Variants in HDHD5 observed in about 807,000 individuals in gnomAD.
The protein encoded by HDHD5 is haloacid dehalogenase like hydrolase domain containing 5.
In HDHD5, 34 loss-of-function variants were observed where a neutral mutation model predicts 35.5. The observed-to-expected ratio is 0.96, with a 90% CI of 0.73 to 1.28. The LOEUF (loss-of-function observed/expected upper bound fraction) is 1.28, where lower values mean the gene tolerates loss of function less well. Among genes scored for constraint, HDHD5 ranks in the 50% most tolerant of loss-of-function variants. The pLI, the probability that HDHD5 is intolerant of heterozygous loss-of-function variation, is 0.00. For missense variants in HDHD5, 589 were observed against 560.2 expected, an observed-to-expected ratio of 1.05 and a Z score of -0.52; for synonymous variants, 248 against 240.6, an observed-to-expected ratio of 1.03 and a Z score of -0.29.
At chr22:17,146,661 C>T (rs2123861060) in intron 3 of HDHD5, among the ~76,000 whole-genome samples, 1 of 11,952 alleles carries the variant, frequency 8.4e-5, no homozygotes, top group African/African-American at 7.3e-4. Context: ...TCGCACACGC[C>T]CCACACCTGT....
Position 17,137,907 on chromosome 22 carries a change from G to GA in HDHD5, c.*113dup. The GA allele has an allele frequency of 1.3e-6, 1 of 785,122 alleles. No homozygotes were observed. The allele number at this position is 785,122 out of a possible 1,614,324, so 48.6% of individuals were successfully genotyped here. On this transcript the variant is annotated 3_prime_UTR_variant, in exon 8 of 8. Transcript: ENST00000336737. ...TAATGCCACACTCATGGGGCAGCAA[G>GA]AAGGGTGGCAAGGGAACCAAGCCCT...
At chr22:17,138,837 C>G in intron 6 of HDHD5, 99 bp from the exon 7 acceptor site, 1 of 1,342,054 alleles carries the variant, frequency 7.5e-7, no homozygotes, top group Non-Finnish European at 1.0e-6. Context: ...CACAGACCAG[C>G]CTTTTCCCCA....
upstream of HDHD5, among the ~76,000 whole-genome samples, chr22:17,163,001 A>T (rs1218956855): frequency 2.0e-5 from 3 of 152,208 alleles, no homozygotes; most frequent in Admixed American, 6.5e-5. Context: ...TCACATTAAG[A>T]TGTTCTTTCG....
At chr22:17,160,662 A>T (rs1006982445), upstream of HDHD5, among the ~76,000 whole-genome samples, 693 of 143,324 alleles carry the variant, frequency 4.8e-3, 5 homozygotes, top group African/African-American at 0.016. Context: ...AAAAAAAAAA[A>T]TAATAATAAT....
chr22:17,140,341 A>G (rs2061585733), intron 6 of HDHD5, among the ~76,000 whole-genome samples: 1 of 152,204 alleles, frequency 6.6e-6, no homozygotes, highest in African/African-American at 2.4e-5. Context: ...ACACCAACAC[A>G]GCTGAGCAGG....
At chr22:17,159,520 T>C (rs755383421), upstream of HDHD5, 18 of 443,140 alleles carry the variant, frequency 4.1e-5, no homozygotes, top group South Asian at 6.4e-5. Context: ...GGCGGCGGCG[T>C]CCGTACTATC....
At chr22:17,159,445 G>A, upstream of HDHD5, 1 of 597,854 alleles carries the variant, frequency 1.7e-6, no homozygotes, top group Non-Finnish European at 2.9e-6. Flanking sequence ...AGAAGTGCGG[G>A]GTCCCGCCGC....
At chr22:17,158,284 G>C (rs767187466) in intron 1 of HDHD5, among the ~76,000 whole-genome samples, 1 of 151,942 alleles carries the variant, frequency 6.6e-6, no homozygotes, top group Non-Finnish European at 1.5e-5. Context: ...TTGCGCCACT[G>C]CACTCCAACC....
At chr22:17,140,984 A>C in intron 6 of HDHD5, 75 bp downstream of exon 6, 1 of 1,371,214 alleles carries the variant, frequency 7.3e-7, no homozygotes, top group Non-Finnish European at 9.8e-7. Context: ...GACGGATGGG[A>C]ACTGCCTGCA....
chr22:17,148,634 G>A lies in HDHD5; in HGVS notation c.331-74C>T, dbSNP rs1338223041. On this transcript the variant is annotated intron_variant, in intron 2 of 7. Coordinates refer to ENST00000336737, the MANE Select transcript of HDHD5 (RefSeq NM_033070.3). Reference sequence around the variant, plus strand: ...GAGGGAAATAATGAGACAGGTGGCAGGTCCTTTAGCCTAGGGAAGGAAAAA... The same window carrying A: ...GAGGGAAATAATGAGACAGGTGGCAAGTCCTTTAGCCTAGGGAAGGAAAAA... 11 of 1,175,402 alleles carry A rather than the reference G, an allele frequency of 9.4e-6. No individual in the cohort carries two copies. In the African/African-American group the frequency reaches 1.7e-4, roughly 18 times the overall value. The allele number at this position is 1,175,402 out of a possible 1,614,324, so 72.8% of individuals were successfully genotyped here.
Position 17,138,007 on chromosome 22 carries a change from C to A in HDHD5, c.*14G>T, listed in dbSNP as rs2061552455. The A allele has an allele frequency of 6.3e-7, 1 of 1,599,044 alleles. No individual in the cohort carries two copies. The highest frequency in any genetic ancestry group is 1.7e-5 in the Admixed American group (1 of 59,274). On this transcript the variant is annotated 3_prime_UTR_variant, in exon 8 of 8. Coordinates refer to ENST00000336737, the MANE Select transcript of HDHD5 (RefSeq NM_033070.3). ...CAGGTCCAGGCTCACCCCCTCACCT[C>A]CACCGCACTGCCCTCACTCCAAAGC...
intron 6 of HDHD5, 72 bp from the exon 7 acceptor site, chr22:17,138,810 T>C: frequency 1.3e-6 from 2 of 1,553,344 alleles, no homozygotes; most frequent in Non-Finnish European, 1.8e-6. Flanking sequence ...CGACTGCCAC[T>C]GTCTAAGCAG....
upstream of HDHD5, among the ~76,000 whole-genome samples, chr22:17,164,222 G>GAAAAAAAAAAAAAAAAA (rs60212114): frequency 8.9e-6 from 1 of 111,962 alleles, no homozygotes. Context: ...CTCCATCTCA[G>GAAAAAAAAAAAAAAAAA]AAAAAAAAAA....
At chr22:17,163,236 G>A (rs2061874237), upstream of HDHD5, among the ~76,000 whole-genome samples, 1 of 152,156 alleles carries the variant, frequency 6.6e-6, no homozygotes, top group Non-Finnish European at 1.5e-5. Context: ...TCGGTGCTTG[G>A]ATTACACTAT....
intron 4 of HDHD5, among the ~76,000 whole-genome samples, chr22:17,143,903 G>A (rs78439186): frequency 3.0e-3 from 463 of 152,308 alleles, no homozygotes; most frequent in African/African-American, 0.011. Context: ...GTGAGCCAAC[G>A]GGCACCTCAA....
chr22:17,161,898 A>C (rs1312042999), upstream of HDHD5, among the ~76,000 whole-genome samples: 1 of 151,132 alleles, frequency 6.6e-6, no homozygotes, highest in African/African-American at 2.4e-5. Flanking sequence ...AAAAAAAAAA[A>C]CCTGGAGTCT....
chr22:17,157,380 C>T lies in HDHD5; in HGVS notation c.126+1746G>A, dbSNP rs570095762. On this transcript the variant is annotated intron_variant, in intron 1 of 7. Transcript: ENST00000336737. ...TCCCAGGTTCAAGGGCTTCTCCTGC[C>T]TCAGCCTCCCGAGTAGCTGGGATTA... 3.3e-5 allele frequency among the ~76,000 whole-genome samples: 5 copies of T among 151,838 alleles called. No homozygotes were observed. The South Asian group carries it at 1.0e-3, about 32-fold the overall frequency.
At chr22:17,165,055 C>T (rs1059331) in intron 1 of HDHD5, among the ~76,000 whole-genome samples, 1 of 152,224 alleles carries the variant, frequency 6.6e-6, no homozygotes, top group Non-Finnish European at 1.5e-5. Context: ...CACACATACA[C>T]ACTCAGTCTT....
chr22:17,143,881 G>A (rs2061627431), intron 4 of HDHD5, among the ~76,000 whole-genome samples: 1 of 152,236 alleles, frequency 6.6e-6, no homozygotes, highest in South Asian at 2.1e-4. Context: ...CAGACGGTGC[G>A]ATGAGGAGAA....
Sources: allele counts gnomAD v4.1 joint callset (sites outside exome capture counted in the v4.1 genomes callset), GRCh38; gene constraint gnomAD v4.1.1; transcripts MANE v1.5; gene names NCBI Gene and HGNC (gene_info 2026-07-23, HGNC 2026-07-21).